GOLT1B: variants seen among roughly 807,000 people sequenced by gnomAD.
GOLT1B encodes vesicle transport protein GOT1B.
A neutral mutation model predicts 15.4 loss-of-function variants in GOLT1B; 3 were observed. The ratio of observed to expected loss-of-function variants is 0.19; its 90% CI spans 0.09 to 0.50. The LOEUF is 0.50. Ranked by LOEUF, GOLT1B falls within the 20% of genes least tolerant of loss-of-function variation. The pLI, the probability that GOLT1B is intolerant of heterozygous loss-of-function variation, is 0.97. For synonymous variants in GOLT1B, 65 were observed against 56.2 expected (o/e 1.16, Z -0.70); for missense variants, 145 against 160.4 (o/e 0.90, Z 0.52).
rs1943764847 is a variant in GOLT1B, at chr12:21,517,519, G to C, written c.*1812G>C. The C allele has an allele frequency of 6.6e-6, 1 of 152,062 alleles. No individual in the cohort carries two copies. The highest frequency in any genetic ancestry group is 1.5e-5 in the Non-Finnish European group (1 of 67,900). The allele number at this position is 152,062 out of a possible 1,614,324, so 9.4% of individuals were successfully genotyped here. A position where few individuals can be genotyped will look rare whatever the true frequency, so the allele number is the denominator to read the frequency against. ...TGACCCATATTATTTACAATGTCTT[G>C]ATAATTCTACCTTTTTAGAGCAAGA... On this transcript the variant is annotated 3_prime_UTR_variant, in exon 5 of 5. Coordinates refer to ENST00000229314, the MANE Select transcript of GOLT1B (RefSeq NM_016072.5).
chr12:21,515,563 CTCT>C (rs1943749783), intron 4 of GOLT1B, 103 bp from the exon 5 acceptor site: 1 of 691,654 alleles, frequency 1.4e-6, no homozygotes, highest in African/African-American at 1.8e-5. Context: ...ATTTCCACAA[CTCT>C]TCTTGTAAGG....
intron 1 of GOLT1B, among the ~76,000 whole-genome samples, chr12:21,504,262 G>C (rs992899695): frequency 2.0e-5 from 3 of 152,148 alleles, no homozygotes; most frequent in Admixed American, 2.0e-4. Context: ...TACTGGATAT[G>C]ATTCCGATGG....
In GOLT1B at chr12:21,509,507, C is replaced by T. The variant is rs189300349; in HGVS notation, c.296+946C>T. 1.7e-4 allele frequency among the ~76,000 whole-genome samples: 25 copies of T among 151,152 alleles called. No homozygotes were observed. The East Asian group carries it at 4.7e-3, about 28-fold the overall frequency. On this transcript the variant is annotated intron_variant, in intron 3 of 4. Transcript: ENST00000229314. ...TATCCTTTGTCTTCTGTCTGCCAGG[C>T]ACTGTATTACCCACAGGAGACATAA...
At position 21,501,875 on chromosome 12, in the gene GOLT1B, A is replaced by T; in HGVS notation, c.-49A>T. The T allele has an allele frequency of 4.3e-6, 6 of 1,410,544 alleles. No individual in the cohort carries two copies. Among genetic ancestry groups the T allele is most frequent in the Non-Finnish European group, 6.0e-6 (6 of 995,300 alleles). The allele number at this position is 1,410,544 out of a possible 1,614,324, so 87.4% of individuals were successfully genotyped here. A position where few individuals can be genotyped will look rare whatever the true frequency, so the allele number is the denominator to read the frequency against. On this transcript the variant is annotated 5_prime_UTR_variant, in exon 1 of 5. Coordinates refer to ENST00000229314, the MANE Select transcript of GOLT1B (RefSeq NM_016072.5). ...TTCATTTCTCCCGACTCAGCTTCCC[A>T]CCCTGGGCTTTCCGAGGTGCTGTCG... is the stretch of plus-strand genomic sequence containing the variant.
At chr12:21,510,170 C>T (rs1212832659) in intron 3 of GOLT1B, among the ~76,000 whole-genome samples, 2 of 152,102 alleles carry the variant, frequency 1.3e-5, no homozygotes, top group Non-Finnish European at 1.5e-5. Context: ...AGACTGGAAT[C>T]TTGGAGTACT....
chr12:21,501,828 C>T lies in GOLT1B; in HGVS notation c.-96C>T. Reference sequence around the variant, plus strand: ...CGTGTTTCCGGAAGACGTGGCGGCTCTCGCCTGGGCTGTTTCCCGGCTTCA... The same window carrying T: ...CGTGTTTCCGGAAGACGTGGCGGCTTTCGCCTGGGCTGTTTCCCGGCTTCA... On this transcript the variant is annotated 5_prime_UTR_variant, in exon 1 of 5. Transcript: ENST00000229314. 1 of 855,528 alleles carries T rather than the reference C, an allele frequency of 1.2e-6. No homozygotes were observed. 53.0% of individuals were successfully genotyped at this position (855,528 alleles called of 1,614,324 possible). A position where few individuals can be genotyped will look rare whatever the true frequency, so the allele number is the denominator to read the frequency against.
chr12:21,505,109 C>T (rs1421737269), intron 1 of GOLT1B, among the ~76,000 whole-genome samples: 1 of 152,134 alleles, frequency 6.6e-6, no homozygotes, highest in Non-Finnish European at 1.5e-5. Flanking sequence ...TGTAATTATA[C>T]CTGCATTCCA....
chr12:21,506,404 C>T (rs370826507), intron 1 of GOLT1B, among the ~76,000 whole-genome samples: 31 of 151,852 alleles, frequency 2.0e-4, no homozygotes, highest in East Asian at 7.8e-4. Context: ...ATTGATTGTG[C>T]GGACCTACCA....
At chr12:21,514,966 A>G (rs1034075277) in intron 4 of GOLT1B, among the ~76,000 whole-genome samples, 4 of 150,484 alleles carry the variant, frequency 2.7e-5, no homozygotes, top group African/African-American at 9.8e-5. Flanking sequence ...ATACAATATC[A>G]GTCTTTACAT....
chr12:21,515,332 T>A (rs1369585313), intron 4 of GOLT1B: 6 of 788,940 alleles, frequency 7.6e-6, no homozygotes, highest in South Asian at 1.7e-5. Context: ...CAGTTTTTTT[T>A]ATGTTTTTAT....
rs887381871 is a variant in GOLT1B, at chr12:21,517,082, G to A, written c.*1375G>A. On this transcript the variant is annotated 3_prime_UTR_variant, in exon 5 of 5. Transcript: ENST00000229314. ...GCACTGTTTTGTTTTTTTAACAGTT[G>A]CAAAGCTTTTTAATGCATAAAAGTA... 6.6e-6 allele frequency: 1 copy of A among 152,350 alleles called. No homozygotes were observed. The highest frequency in any genetic ancestry group is 1.5e-5 in the Non-Finnish European group (1 of 67,878). The allele number at this position is 152,350 out of a possible 1,614,324, so 9.4% of individuals were successfully genotyped here. A position where few individuals can be genotyped will look rare whatever the true frequency, so the allele number is the denominator to read the frequency against.
chr12:21,514,353 T>C (rs1943741257), intron 4 of GOLT1B, among the ~76,000 whole-genome samples: 1 of 152,352 alleles, frequency 6.6e-6, no homozygotes, highest in Non-Finnish European at 1.5e-5. Flanking sequence ...TTTTATTGAA[T>C]GCTCAAAGAG....
At chr12:21,503,604 T>C (rs1943657312) in intron 1 of GOLT1B, among the ~76,000 whole-genome samples, 1 of 152,228 alleles carries the variant, frequency 6.6e-6, no homozygotes, top group South Asian at 2.1e-4. Flanking sequence ...GTGAGGGCAA[T>C]GAAATTTTAC....
Position 21,517,204 on chromosome 12 carries a change from C to T in GOLT1B, c.*1497C>T, listed in dbSNP as rs1434196754. The T allele has an allele frequency of 6.6e-6, 1 of 152,348 alleles. No individual in the cohort carries two copies. The highest frequency in any genetic ancestry group is 6.6e-5 in the Admixed American group (1 of 15,262). The allele number at this position is 152,348 out of a possible 1,614,324, so 9.4% of individuals were successfully genotyped here. On this transcript the variant is annotated 3_prime_UTR_variant, in exon 5 of 5. Coordinates refer to ENST00000229314, the MANE Select transcript of GOLT1B (RefSeq NM_016072.5). ...TAAATCTCTTAATACACAGAGAACT[C>T]CCAATCTTGCTCATCTAAATAAGGA...
chr12:21,505,305 A>G (rs1265114986), intron 1 of GOLT1B, among the ~76,000 whole-genome samples: 1 of 152,216 alleles, frequency 6.6e-6, no homozygotes. Context: ...TCTTCAACTA[A>G]CAAAGCTGCC....
At chr12:21,515,252 G>A in intron 4 of GOLT1B, 1 of 1,464,346 alleles carries the variant, frequency 6.8e-7, no homozygotes, top group Non-Finnish European at 9.2e-7. Context: ...CATAGGCCCA[G>A]AAGAGATCCA....
In GOLT1B at chr12:21,501,890, A is replaced by T; in HGVS notation, c.-34A>T. 6.5e-7 allele frequency: 1 copy of T among 1,544,936 alleles called. No homozygotes were observed. Among genetic ancestry groups the T allele is most frequent in the Non-Finnish European group, 9.0e-7 (1 of 1,117,186 alleles). ...TCAGCTTCCCACCCTGGGCTTTCCG[A>T]GGTGCTGTCGCCGCTGTCCCCACCA... On this transcript the variant is annotated 5_prime_UTR_variant, in exon 1 of 5. Transcript: ENST00000229314.
chr12:21,507,133 C>T, intron 2 of GOLT1B, 157 bp downstream of exon 2: 1 of 659,246 alleles, frequency 1.5e-6, no homozygotes, highest in Non-Finnish European at 2.8e-6. Context: ...AACCTGTCAG[C>T]TTTCTGTTTA....
chr12:21,510,643 T>A (rs1943712878), intron 3 of GOLT1B, among the ~76,000 whole-genome samples: 1 of 152,218 alleles, frequency 6.6e-6, no homozygotes, highest in South Asian at 2.1e-4. Flanking sequence ...AAATCACACA[T>A]TTTTATGTTT....
Sources: gnomAD v4.1 joint callset for allele counts (sites outside exome capture counted in the v4.1 genomes callset) on GRCh38, gnomAD v4.1.1 for gene constraint, MANE v1.5 for transcripts, NCBI Gene and HGNC (gene_info 2026-07-23, HGNC 2026-07-21) for gene names.